DNAH9: variants seen among roughly 807,000 people sequenced by gnomAD.
DNAH9 encodes the protein DNAH9 variant protein.
A neutral mutation model predicts 471.6 loss-of-function variants in DNAH9; 345 were observed. The observed-to-expected ratio is 0.73, with a 90% confidence interval of 0.67 to 0.80. DNAH9 has a LOEUF of 0.80. Ranked by LOEUF, DNAH9 falls within the 30% of genes least tolerant of loss-of-function variation. DNAH9 has a pLI of 0.00. For missense variants in DNAH9, 5,407 were observed against 5,609.2 expected (o/e 0.96, Z 1.15); for synonymous variants, 2,093 against 2,123.6 (o/e 0.99, Z 0.40).
chr17:11,633,132 C>T (rs545628305), intron 8 of DNAH9, among the ~76,000 whole-genome samples: 36 of 152,204 alleles, frequency 2.4e-4, no homozygotes, highest in Non-Finnish European at 4.6e-4. Context: ...TATCATATCA[C>T]GCTCAGATCA....
chr17:11,843,859 GTGTGTA>G (rs1261971371), intron 49 of DNAH9, among the ~76,000 whole-genome samples: 19 of 47,014 alleles, frequency 4.0e-4, no homozygotes, highest in Non-Finnish European at 6.5e-4. Flanking sequence ...GTGTGTGTGT[GTGTGTA>G]TATATATATA....
chr17:11,897,784 A>G (rs899863051), intron 59 of DNAH9, among the ~76,000 whole-genome samples: 3 of 152,212 alleles, frequency 2.0e-5, no homozygotes, highest in African/African-American at 7.2e-5. Context: ...CACGGAGTAA[A>G]TGCTAAACCA....
chr17:11,946,834 T>A (rs1975145376), intron 67 of DNAH9, among the ~76,000 whole-genome samples: 2 of 152,206 alleles, frequency 1.3e-5, no homozygotes, highest in African/African-American at 4.8e-5. Context: ...TCTACCCATG[T>A]TAGCCAACAC....
rs1158637931 is a variant in DNAH9 at position 11,932,182 on chromosome 17, A to T, written c.12274A>T (p.Asn4092Tyr). The T allele has an allele frequency of 1.9e-6, 3 of 1,613,910 alleles. No homozygotes were observed. The highest frequency in any genetic ancestry group is 2.5e-6 in the Non-Finnish European group (3 of 1,179,986). ...CACTATCTCTGTGAATGTCCTCTAC[A>T]ACTTCCTGGAGGCCAACGCAAAGGT... Reference protein sequence around the residue: ...DLTISVNVLYNFLEANAKVPY... With the variant: ...DLTISVNVLYYFLEANAKVPY... Residue 4092 changes from asparagine to tyrosine, a missense_variant, in exon 64 of 69, where the codon AAC (asparagine) becomes TAC (tyrosine). By Grantham distance (143) the Asn-to-Tyr change is moderately radical. Coordinates refer to ENST00000262442, the MANE Select transcript of DNAH9 (RefSeq NM_001372.4). This position sits in a 1 kb window ranked among gnomAD's most constrained non-coding sequence, Gnocchi z 4.3.
chr17:11,733,227 A>G (rs763679448), intron 28 of DNAH9, among the ~76,000 whole-genome samples: 1 of 152,130 alleles, frequency 6.6e-6, no homozygotes, highest in African/African-American at 2.4e-5. Flanking sequence ...AAAATGAGCC[A>G]CTCTCCTAGA....
intron 49 of DNAH9, 111 bp downstream of exon 49, chr17:11,835,009 G>T (rs975723016): frequency 1.2e-5 from 17 of 1,388,482 alleles, no homozygotes; most frequent in Admixed American, 7.7e-5. Context: ...TTTAGGGTGG[G>T]CTCCAACTGT....
In DNAH9 at chr17:11,669,797, A is replaced by C; in HGVS notation, c.3353+3A>C. ...CTTGTGGACCACGTCACTCACAGGT[A>C]CAACAGTTGTTTTCACTTTCTTCCA... is the stretch of plus-strand genomic sequence containing the variant. On this transcript the variant is annotated splice_donor_region_variant and intron_variant, in intron 17 of 68. Transcript: ENST00000262442. The C allele has an allele frequency of 6.2e-7, 1 of 1,611,308 alleles. No individual in the cohort carries two copies. The highest frequency in any genetic ancestry group is 8.5e-7 in the Non-Finnish European group (1 of 1,177,994).
intron 28 of DNAH9, among the ~76,000 whole-genome samples, chr17:11,738,235 ACTGTGT>A (rs548470916): frequency 2.0e-3 from 298 of 152,312 alleles, no homozygotes; most frequent in African/African-American, 6.9e-3. Flanking sequence ...AGTGGTCAGA[ACTGTGT>A]CCGGCCAGTG....
At chr17:11,710,507 G>C (rs914524808) in intron 26 of DNAH9, among the ~76,000 whole-genome samples, 1 of 152,086 alleles carries the variant, frequency 6.6e-6, no homozygotes, top group Non-Finnish European at 1.5e-5. Flanking sequence ...CTAGCATTAA[G>C]TATTACTGTT....
chr17:11,669,447 C>T lies in DNAH9; in HGVS notation c.3006C>T (p.Leu1002=), dbSNP rs748980629. The T allele has an allele frequency of 2.5e-6, 4 of 1,614,098 alleles. No homozygotes were observed. Among genetic ancestry groups the T allele is most frequent in the Non-Finnish European group, 3.4e-6 (4 of 1,179,978 alleles). The change falls in exon 17 of 69, where the codon CTC becomes CTT. Residue 1002 remains leucine (L), a synonymous_variant. Transcript: ENST00000262442. ...LMERVQRMMG[L]CCGYQSTFSQ... ...AGAGAGTCCAGAGAATGATGGGCCT[C>T]TGCTGTGGCTATCAGAGCACCTTCA...
chr17:11,919,088 T>C (rs1974047413), intron 61 of DNAH9, among the ~76,000 whole-genome samples: 1 of 152,156 alleles, frequency 6.6e-6, no homozygotes, highest in Non-Finnish European at 1.5e-5. Context: ...ATCTTTTTCA[T>C]TGACAGGGCA....
intron 67 of DNAH9, among the ~76,000 whole-genome samples, chr17:11,961,372 T>C (rs1976162835): frequency 6.6e-6 from 1 of 152,194 alleles, no homozygotes; most frequent in Non-Finnish European, 1.5e-5. Context: ...ACAAATCCTA[T>C]CTAGCTGTTG....
intron 46 of DNAH9, 48 bp downstream of exon 46, chr17:11,822,110 A>T (rs764942096): frequency 2.6e-5 from 41 of 1,575,972 alleles, no homozygotes; most frequent in Non-Finnish European, 3.4e-5. Flanking sequence ...GAGATGATTC[A>T]TGGGAGCTTC....
intron 9 of DNAH9, among the ~76,000 whole-genome samples, chr17:11,638,133 AT>A (rs1477222626): frequency 6.6e-6 from 1 of 151,976 alleles, no homozygotes; most frequent in African/African-American, 2.4e-5. Flanking sequence ...AGGGGAAATT[AT>A]CAAAGGCTTT....
Position 11,962,310 on chromosome 17 carries a change from A to G in DNAH9, c.13233+54A>G. On this transcript the variant is annotated intron_variant, in intron 68 of 68. Coordinates refer to ENST00000262442, the MANE Select transcript of DNAH9 (RefSeq NM_001372.4). This position sits in a 1 kb window ranked among gnomAD's most constrained non-coding sequence, Gnocchi z 4.1. Reference sequence around the variant, plus strand: ...CTTTCTGGGGGCTGATTAAATACACATTGCTTCCTATGAAGTGTGACTACT... The same window carrying G: ...CTTTCTGGGGGCTGATTAAATACACGTTGCTTCCTATGAAGTGTGACTACT... 6.6e-7 allele frequency: 1 copy of G among 1,517,016 alleles called. No individual in the cohort carries two copies. Among genetic ancestry groups the G allele is most frequent in the Non-Finnish European group, 8.8e-7 (1 of 1,138,614 alleles). 94.0% of individuals were successfully genotyped at this position (1,517,016 alleles called of 1,614,324 possible).
At chr17:11,601,806 C>T (rs2072392596) in intron 1 of DNAH9, among the ~76,000 whole-genome samples, 1 of 152,140 alleles carries the variant, frequency 6.6e-6, no homozygotes, top group Non-Finnish European at 1.5e-5. Context: ...CTTCCACCTC[C>T]CCATGCAGCA....
chr17:11,694,753 C>T (rs369940865), intron 22 of DNAH9, among the ~76,000 whole-genome samples: 249 of 2,048 alleles, frequency 0.12, 107 homozygotes, highest in African/African-American at 0.15. Flanking sequence ...TCTTTCTTTC[C>T]TTCCTTCCTT....
chr17:11,653,035 C>T (rs762396991), intron 14 of DNAH9, 33 bp downstream of exon 14: 72 of 1,606,802 alleles, frequency 4.5e-5, no homozygotes, highest in Non-Finnish European at 5.9e-5. Flanking sequence ...GCACATACTA[C>T]GAGTTTAGGG....
At chr17:11,663,264 C>T (rs148454933) in intron 14 of DNAH9, among the ~76,000 whole-genome samples, 48 of 152,328 alleles carry the variant, frequency 3.2e-4, no homozygotes, top group African/African-American at 1.1e-3. Context: ...TTACCAGAGG[C>T]TTGCTCTAAA....
Sources: allele counts gnomAD v4.1 joint callset (sites outside exome capture counted in the v4.1 genomes callset), GRCh38; gene constraint gnomAD v4.1.1; non-coding constraint Gnocchi (gnomAD v3.1); transcripts MANE v1.5; gene names NCBI Gene and HGNC (gene_info 2026-07-23, HGNC 2026-07-21).